Variants in SHLD1 observed in about 807,000 individuals in gnomAD.
SHLD1 encodes RINN1-REV7-interacting novel NHEJ regulator 3.
A neutral mutation model predicts 5.5 loss-of-function variants in SHLD1; 3 were observed. The observed-to-expected ratio is 0.54, with a 90% CI of 0.25 to 1.40. The LOEUF is 1.40. Ranked by LOEUF, SHLD1 falls within the 40% of genes most tolerant of loss-of-function variation. The pLI, the probability that SHLD1 is intolerant of heterozygous loss-of-function variation, is 0.15. For synonymous variants in SHLD1, 92 were observed against 94.3 expected (o/e 0.98, Z 0.14); for missense variants, 210 against 244.4 (o/e 0.86, Z 0.94).
intron 2 of SHLD1, among the ~76,000 whole-genome samples, chr20:5,836,498 C>G (rs2087790850): frequency 6.6e-6 from 1 of 152,234 alleles, no homozygotes; most frequent in Admixed American, 6.5e-5. Flanking sequence ...TCCCATGGCT[C>G]TAGCCACAGT....
chr20:5,824,625 G>GGT (rs1568520783), intron 2 of SHLD1, among the ~76,000 whole-genome samples: 5 of 125,524 alleles, frequency 4.0e-5, no homozygotes, highest in Non-Finnish European at 3.5e-5. Context: ...GTTGTTGTTT[G>GGT]TTTTTTTTTT....
At chr20:5,750,898 G>T (rs1983711355) in intron 1 of SHLD1, among the ~76,000 whole-genome samples, 1 of 152,158 alleles carries the variant, frequency 6.6e-6, no homozygotes, top group Non-Finnish European at 1.5e-5. Context: ...TCAGGAGACT[G>T]AGGTGGGAGA....
intron 2 of SHLD1, among the ~76,000 whole-genome samples, chr20:5,790,108 G>T (rs1042577564): frequency 1.3e-5 from 2 of 152,144 alleles, no homozygotes; most frequent in Non-Finnish European, 2.9e-5. Context: ...AAGCCTCTTT[G>T]TTCCCCTGGG....
intron 1 of SHLD1, among the ~76,000 whole-genome samples, chr20:5,768,618 C>A (rs1480607291): frequency 2.0e-5 from 3 of 152,184 alleles, no homozygotes; most frequent in Non-Finnish European, 4.4e-5. Context: ...AATCATATTA[C>A]CCAGATAACT....
intron 1 of SHLD1, among the ~76,000 whole-genome samples, chr20:5,769,192 C>A (rs1190218110): frequency 1.3e-5 from 2 of 152,230 alleles, no homozygotes; most frequent in Non-Finnish European, 2.9e-5. Flanking sequence ...CAGGCGTGAG[C>A]CACTGCACCC....
At chr20:5,803,634 G>A (rs1186187658) in intron 2 of SHLD1, among the ~76,000 whole-genome samples, 1 of 152,066 alleles carries the variant, frequency 6.6e-6, no homozygotes, top group Non-Finnish European at 1.5e-5. Context: ...ACTTCGGGAG[G>A]CCGAAGCAGG....
At chr20:5,764,685 C>T (rs918504520) in intron 1 of SHLD1, among the ~76,000 whole-genome samples, 2 of 151,920 alleles carry the variant, frequency 1.3e-5, no homozygotes, top group African/African-American at 4.8e-5. Flanking sequence ...GGCATCAGAC[C>T]TTTTATTAAG....
chr20:5,761,462 G>A (rs1984461261), intron 1 of SHLD1, among the ~76,000 whole-genome samples: 1 of 151,534 alleles, frequency 6.6e-6, no homozygotes, highest in South Asian at 2.1e-4. Flanking sequence ...AATGGCCCCT[G>A]GATGGGAAAC....
intron 1 of SHLD1, among the ~76,000 whole-genome samples, chr20:5,762,310 A>T (rs1400270215): frequency 2.6e-5 from 4 of 151,972 alleles, no homozygotes; most frequent in Admixed American, 6.6e-5. Context: ...CTCTCTTTAG[A>T]TTTTTCACAA....
intron 2 of SHLD1, among the ~76,000 whole-genome samples, chr20:5,783,383 C>G (rs1216472844): frequency 6.6e-6 from 1 of 152,046 alleles, no homozygotes; most frequent in Non-Finnish European, 1.5e-5. Context: ...GCCACCACAC[C>G]CGGCTAATTT....
At chr20:5,797,946 C>T (rs451010) in intron 2 of SHLD1, among the ~76,000 whole-genome samples, 2,886 of 152,296 alleles carry the variant, frequency 0.019, 87 homozygotes, top group African/African-American at 0.065. Flanking sequence ...TTGGTTATCT[C>T]TTGCTGCCTA....
At position 5,864,325 on chromosome 20, in the gene SHLD1, ATGCTACGCTAGGC is replaced by A. The variant is rs2088200902; in HGVS notation, c.*865_*877del. On this transcript the variant is annotated 3_prime_UTR_variant, in exon 3 of 3. Coordinates refer to ENST00000303142, the MANE Select transcript of SHLD1 (RefSeq NM_152504.4). Reference sequence around the variant, plus strand: ...CACCACAGTATATGTAAGCACAATTATGCTACGCTAGGCTGATGCCACGTGGCCTTGTCAAGTT... The same window carrying A: ...CACCACAGTATATGTAAGCACAATTATGATGCCACGTGGCCTTGTCAAGTT... Among the ~76,000 whole-genome samples the A allele has an allele frequency of 6.6e-6, 1 of 152,052 alleles. No individual in the cohort carries two copies. Among genetic ancestry groups the A allele is most frequent in the South Asian group, 2.1e-4 (1 of 4,834 alleles).
chr20:5,763,846 C>T (rs142415947), intron 1 of SHLD1, among the ~76,000 whole-genome samples: 37 of 150,426 alleles, frequency 2.5e-4, no homozygotes, highest in African/African-American at 7.3e-4. Flanking sequence ...CAATGGCTCA[C>T]GCCTGTAATC....
At chr20:5,853,420 T>C (rs985254496) in intron 2 of SHLD1, among the ~76,000 whole-genome samples, 1 of 152,170 alleles carries the variant, frequency 6.6e-6, no homozygotes, top group South Asian at 2.1e-4. Flanking sequence ...CACTCCAGCC[T>C]GAGCGACAGA....
chr20:5,817,710 CAT>C (rs201874766), intron 2 of SHLD1, among the ~76,000 whole-genome samples: 90,934 of 151,858 alleles, frequency 0.6, 29,563 homozygotes, highest in Non-Finnish European at 0.74. Flanking sequence ...CTGTGCCTGG[CAT>C]TATGACTTAG....
chr20:5,801,529 A>T (rs1370592082), intron 2 of SHLD1, among the ~76,000 whole-genome samples: 3 of 152,212 alleles, frequency 2.0e-5, no homozygotes, highest in Non-Finnish European at 4.4e-5. Context: ...ACGTGGCCCC[A>T]GGACGTGCAG....
chr20:5,755,708 C>A (rs530191899), intron 1 of SHLD1, among the ~76,000 whole-genome samples: 2 of 151,964 alleles, frequency 1.3e-5, no homozygotes, highest in Admixed American at 6.6e-5. Context: ...TACAGGCACG[C>A]ACCACCGCGC....
At chr20:5,801,071 CTTT>C (rs67798135) in intron 2 of SHLD1, among the ~76,000 whole-genome samples, 3 of 121,968 alleles carry the variant, frequency 2.5e-5, no homozygotes, top group Non-Finnish European at 5.4e-5. Context: ...CAGCCACCAT[CTTT>C]TTTTTTTTTT....
At chr20:5,807,638 C>T (rs1435822731) in intron 2 of SHLD1, among the ~76,000 whole-genome samples, 1 of 152,176 alleles carries the variant, frequency 6.6e-6, no homozygotes, top group Non-Finnish European at 1.5e-5. Context: ...TCCTGAGTCA[C>T]TGGGACATAT....
Sources: allele counts gnomAD v4.1 joint callset (sites outside exome capture counted in the v4.1 genomes callset), GRCh38; gene constraint gnomAD v4.1.1; transcripts MANE v1.5; gene names NCBI Gene and HGNC (gene_info 2026-07-23, HGNC 2026-07-21).